The following ADCY10 variants were observed in gnomAD, a reference collection of about 807,000 sequenced individuals.
The protein encoded by ADCY10 is adenylate cyclase 10.
Under a neutral mutation model 183.3 loss-of-function variants are expected in ADCY10, and 156 were observed. The ratio of observed to expected loss-of-function variants is 0.85; its 90% CI spans 0.75 to 0.97. The LOEUF is 0.97. Ranked by LOEUF, ADCY10 falls within the 50% of genes least tolerant of loss-of-function variation. The pLI is 0.00. For synonymous variants in ADCY10, 645 were observed against 670.0 expected (o/e 0.96, Z 0.58); for missense variants, 1,745 against 1,934.3 (o/e 0.90, Z 1.84).
chr1:167,860,058 C>G (rs1387709366), intron 15 of ADCY10, among the ~76,000 whole-genome samples, 165 bp from the exon 16 acceptor site: 1 of 152,126 alleles, frequency 6.6e-6, no homozygotes, highest in Non-Finnish European at 1.5e-5. Flanking sequence ...TTGTGGAAAA[C>G]AATTTTTTCA....
chr1:167,856,726 A>T (rs1665935663), intron 16 of ADCY10, among the ~76,000 whole-genome samples: 1 of 152,244 alleles, frequency 6.6e-6, no homozygotes, highest in African/African-American at 2.4e-5. Context: ...AGGGGTACCC[A>T]CAAAAGCTAA....
intron 8 of ADCY10, among the ~76,000 whole-genome samples, chr1:167,884,396 C>G (rs1210966599): frequency 6.6e-6 from 1 of 152,146 alleles, no homozygotes; most frequent in Admixed American, 6.6e-5. Context: ...ATCACGAGAA[C>G]AGCAAGGGTA....
At chr1:167,846,320 T>C in intron 19 of ADCY10, 57 bp from the exon 20 acceptor site, 2 of 1,599,434 alleles carry the variant, frequency 1.3e-6, no homozygotes, top group Non-Finnish European at 1.7e-6. Flanking sequence ...TCTAATATGC[T>C]GTATTTAATA....
chr1:167,860,541 A>G (rs76256802), intron 15 of ADCY10, among the ~76,000 whole-genome samples: 2,059 of 152,344 alleles, frequency 0.014, 15 homozygotes, highest in East Asian at 0.04. Flanking sequence ...TAGATAATTC[A>G]GGAAAAGACA....
rs1207190244 is a variant in ADCY10 at position 167,883,598 on chromosome 1, A to G, written c.859T>C (p.Ser287Pro). 1 of 1,614,256 alleles carries G rather than the reference A, an allele frequency of 6.2e-7. No homozygotes were observed. The highest frequency in any genetic ancestry group is 8.5e-7 in the Non-Finnish European group (1 of 1,180,052). The change falls in exon 9 of 33, where the codon TCT (serine) becomes CCT (proline). Residue 287 changes from serine (S) to proline (P), a missense_variant. Physicochemically the swap from Ser to Pro is moderately conservative, Grantham distance 74. Coordinates refer to ENST00000367851, the MANE Select transcript of ADCY10 (RefSeq NM_018417.6). ...IDNKQLQGYL[S>P]ELRPVTIVFV... ...ACAATCGTCACTGGGCGAAGCTCAG[A>G]TAAATAGCCCTGAAGCTGTTTGTTA...
intron 24 of ADCY10, 73 bp from the exon 25 acceptor site, chr1:167,833,235 A>T (rs892601106): frequency 1.4e-6 from 2 of 1,399,314 alleles, no homozygotes; most frequent in Non-Finnish European, 2.0e-6. Flanking sequence ...GGTCCCAACA[A>T]TCCATATTTT....
In ADCY10 at chr1:167,811,839, G is replaced by T. The variant is rs368200866; in HGVS notation, c.4483-926C>A. ...AAACTCTAGGGAGAAGAGGATTCTGGAGAGACGGCAGAGTAGGAAGTACCA... is the reference window on the plus strand; with the variant it reads ...AAACTCTAGGGAGAAGAGGATTCTGTAGAGACGGCAGAGTAGGAAGTACCA... On this transcript the variant is annotated intron_variant, in intron 31 of 32. Coordinates refer to ENST00000367851, the MANE Select transcript of ADCY10 (RefSeq NM_018417.6). Among the ~76,000 whole-genome samples the T allele has an allele frequency of 5.3e-5, 8 of 152,314 alleles. No individual in the cohort carries two copies. In the East Asian group the frequency reaches 1.5e-3, roughly 29 times the overall value.
chr1:167,904,081 G>GT, intron 2 of ADCY10, 90 bp from the exon 3 acceptor site: 11 of 501,594 alleles, frequency 2.2e-5, no homozygotes, highest in East Asian at 4.3e-5. Context: ...GCGGGCCTCA[G>GT]CTTTTTTTTT....
At chr1:167,901,967 C>A (rs1298460385) in intron 4 of ADCY10, 49 bp downstream of exon 4, 11 of 1,609,908 alleles carry the variant, frequency 6.8e-6, no homozygotes, top group Non-Finnish European at 9.4e-6. Flanking sequence ...GAAGCACAGG[C>A]ACCTCAGCAC....
chr1:167,911,421 C>T (rs73024116), intron 1 of ADCY10, among the ~76,000 whole-genome samples: 17,231 of 152,244 alleles, frequency 0.11, 1,158 homozygotes, highest in African/African-American at 0.18. Context: ...TATACTGGTC[C>T]AAGCAACCAT....
intron 8 of ADCY10, among the ~76,000 whole-genome samples, chr1:167,887,784 A>G (rs2102309474): frequency 6.6e-6 from 1 of 151,956 alleles, no homozygotes; most frequent in Admixed American, 6.5e-5. Context: ...ATTCTAAAAA[A>G]AAAAAACACT....
chr1:167,858,525 G>C (rs1380559195), intron 16 of ADCY10, among the ~76,000 whole-genome samples: 1 of 146,504 alleles, frequency 6.8e-6, no homozygotes, highest in South Asian at 2.1e-4. Flanking sequence ...AAAAAAAAGA[G>C]GCTCACGATT....
intron 21 of ADCY10, among the ~76,000 whole-genome samples, chr1:167,838,020 G>A (rs1488966372): frequency 6.6e-6 from 1 of 152,196 alleles, no homozygotes; most frequent in African/African-American, 2.4e-5. Context: ...CCCAGAGAGG[G>A]GAATGAACTT....
At chr1:167,841,107 A>G (rs757678410) in intron 21 of ADCY10, among the ~76,000 whole-genome samples, 3 of 151,680 alleles carry the variant, frequency 2.0e-5, no homozygotes, top group Non-Finnish European at 2.9e-5. Flanking sequence ...CACCCAGCTA[A>G]TTTTTTTGTA....
chr1:167,823,026 C>T lies in ADCY10; in HGVS notation c.4150G>A (p.Asp1384Asn). The change falls in exon 29 of 33, where the codon GAC becomes AAC. Residue 1384 changes from aspartate to asparagine, a missense_variant. By Grantham distance (23) the Asp-to-Asn change is conservative. Transcript: ENST00000367851. ...CACTTACCAGAATAAAGCAGGATGT[C>T]CAAGCAGACAAAATAGAAAAATGCC... ...SKAFFYFVCL[D>N]ILLYSGFVYR... 1 of 1,614,090 alleles carries T rather than the reference C, an allele frequency of 6.2e-7. No individual in the cohort carries two copies. The highest frequency in any genetic ancestry group is 8.5e-7 in the Non-Finnish European group (1 of 1,179,986).
At chr1:167,836,209 A>G in intron 23 of ADCY10, 100 bp downstream of exon 23, 1 of 789,634 alleles carries the variant, frequency 1.3e-6, no homozygotes, top group Admixed American at 2.0e-5. Flanking sequence ...TCGGGAATAT[A>G]CAACGTGAAG....
intron 3 of ADCY10, among the ~76,000 whole-genome samples, chr1:167,903,316 C>A (rs1160353622): frequency 6.6e-6 from 1 of 151,122 alleles, no homozygotes; most frequent in Non-Finnish European, 1.5e-5. Context: ...GTAATCCCAG[C>A]ACTTTGGGGG....
intron 14 of ADCY10, among the ~76,000 whole-genome samples, chr1:167,868,565 C>A (rs905390426): frequency 6.6e-6 from 1 of 152,080 alleles, no homozygotes; most frequent in East Asian, 1.9e-4. Context: ...GACTAGACAG[C>A]CCCCCACTAG....
At chr1:167,850,505 G>A (rs1032586360) in intron 18 of ADCY10, among the ~76,000 whole-genome samples, 1 of 152,074 alleles carries the variant, frequency 6.6e-6, no homozygotes, top group Non-Finnish European at 1.5e-5. Context: ...TGGCAAGCTA[G>A]CAAGAGGAAA....
Sources: gnomAD v4.1 joint callset for allele counts (sites outside exome capture counted in the v4.1 genomes callset) on GRCh38, gnomAD v4.1.1 for gene constraint, MANE v1.5 for transcripts, NCBI Gene and HGNC (gene_info 2026-07-23, HGNC 2026-07-21) for gene names.